NBEA: variants seen among roughly 807,000 people sequenced by gnomAD.
NBEA encodes the protein lysosomal-trafficking regulator 2.
NBEA carries 44 observed loss-of-function variants against 343.4 expected under a neutral mutation model. That is an observed-to-expected ratio of 0.13 (90% CI 0.10 to 0.16). The LOEUF is 0.16. NBEA is among the 10% of genes least tolerant of loss of function. The probability of loss-of-function intolerance (pLI) is 1.00; values close to 1 mark genes in which losing one functional copy is unlikely to be tolerated. For missense variants in NBEA, 2,555 were observed against 3,631.3 expected, an observed-to-expected ratio of 0.70 and a Z score of 7.62; for synonymous variants, 1,175 against 1,238.7, an observed-to-expected ratio of 0.95 and a Z score of 1.08.
At chr13:35,436,592 C>A (rs1036273588) in intron 39 of NBEA, among the ~76,000 whole-genome samples, 9 of 152,004 alleles carry the variant, frequency 5.9e-5, no homozygotes, top group African/African-American at 1.9e-4. Flanking sequence ...CACCTGTAGT[C>A]CCAGCTACTC....
intron 35 of NBEA, among the ~76,000 whole-genome samples, chr13:35,302,575 A>G (rs558428897): frequency 3.9e-5 from 6 of 152,322 alleles, no homozygotes; most frequent in South Asian, 2.1e-4. Context: ...CAGCCATATC[A>G]TATTAATGGA....
intron 34 of NBEA, among the ~76,000 whole-genome samples, chr13:35,261,897 C>T (rs2033248205): frequency 6.6e-6 from 1 of 152,100 alleles, no homozygotes; most frequent in Admixed American, 6.5e-5. Context: ...GCAGGATTAA[C>T]ACAAATAAAA....
intron 34 of NBEA, among the ~76,000 whole-genome samples, chr13:35,284,371 TG>T (rs1246748834): frequency 5.3e-5 from 8 of 152,188 alleles, no homozygotes; most frequent in African/African-American, 1.9e-4. Context: ...GGGTTTTTTT[TG>T]TTAAAATTTA....
At chr13:35,649,280 C>G (rs1023637656) in intron 51 of NBEA, among the ~76,000 whole-genome samples, 1 of 152,204 alleles carries the variant, frequency 6.6e-6, no homozygotes, top group Admixed American at 6.5e-5. Context: ...ATGGGAGTCA[C>G]TAATTTGACT....
At chr13:35,631,890 GA>G (rs1359977739) in intron 49 of NBEA, among the ~76,000 whole-genome samples, 2 of 152,106 alleles carry the variant, frequency 1.3e-5, no homozygotes, top group Non-Finnish European at 2.9e-5. Context: ...AACTCTGGCT[GA>G]GAAAATTATG....
At chr13:35,170,327 A>C (rs1050472466) in intron 25 of NBEA, among the ~76,000 whole-genome samples, 2 of 151,796 alleles carry the variant, frequency 1.3e-5, no homozygotes, top group South Asian at 4.1e-4. Context: ...TTAAGAGTTA[A>C]TATTGATTGG....
chr13:35,176,239 A>G (rs2070889927), intron 27 of NBEA, among the ~76,000 whole-genome samples: 1 of 152,120 alleles, frequency 6.6e-6, no homozygotes, highest in African/African-American at 2.4e-5. Context: ...ATTGACATTC[A>G]TTGAGAAATA....
At chr13:35,043,752 T>C (rs1485277045) in intron 2 of NBEA, among the ~76,000 whole-genome samples, 2 of 151,960 alleles carry the variant, frequency 1.3e-5, no homozygotes, top group African/African-American at 2.4e-5. Context: ...GTTTCCATTT[T>C]GAAATATACA....
chr13:35,407,151 GAC>G (rs1469226927), intron 38 of NBEA, among the ~76,000 whole-genome samples: 1 of 150,502 alleles, frequency 6.6e-6, no homozygotes, highest in Non-Finnish European at 1.5e-5. Flanking sequence ...TTTCAGTAGA[GAC>G]AGGGTTTCAC....
intron 39 of NBEA, among the ~76,000 whole-genome samples, chr13:35,434,217 C>G (rs1340894005): frequency 6.6e-6 from 1 of 151,932 alleles, no homozygotes; most frequent in East Asian, 1.9e-4. Context: ...TGAATAAAAT[C>G]TTTTTCAAAC....
At chr13:35,486,174 A>G (rs1258916161) in intron 41 of NBEA, among the ~76,000 whole-genome samples, 1 of 152,076 alleles carries the variant, frequency 6.6e-6, no homozygotes, top group African/African-American at 2.4e-5. Context: ...TTATTCCAAA[A>G]TGATTTAGAG....
At chr13:35,557,754 G>A (rs531978778) in intron 44 of NBEA, among the ~76,000 whole-genome samples, 86 of 152,248 alleles carry the variant, frequency 5.6e-4, no homozygotes, top group Non-Finnish European at 1.2e-3. Flanking sequence ...TTTTAAGATG[G>A]CTGATAGTAA....
At chr13:35,352,075 A>G (rs2040227077) in intron 37 of NBEA, 82 bp from the exon 38 acceptor site, 3 of 825,140 alleles carry the variant, frequency 3.6e-6, no homozygotes, top group Admixed American at 4.2e-5. Context: ...AATTCCTGTT[A>G]CCGTTTAACT....
intron 41 of NBEA, among the ~76,000 whole-genome samples, chr13:35,502,468 T>C (rs2076923468): frequency 2.0e-5 from 3 of 151,942 alleles, no homozygotes; most frequent in Non-Finnish European, 2.9e-5. Context: ...CTTCTAAAAC[T>C]ATTCCTTTTT....
In NBEA at chr13:35,355,798, G is replaced by A. The variant is rs998587025; in HGVS notation, c.6179+3475G>A. Among the ~76,000 whole-genome samples, 15 of 150,772 alleles carry A rather than the reference G, an allele frequency of 9.9e-5. No individual in the cohort carries two copies. In the South Asian group the frequency reaches 2.9e-3, roughly 30 times the overall value. On this transcript the variant is annotated intron_variant, in intron 38 of 58. Coordinates refer to ENST00000379939, the MANE Select transcript of NBEA (RefSeq NM_001385012.1). Reference sequence around the variant, plus strand: ...GGTCAAACTTTTTCATTTTCTTCAGGCCTTAATTCCAAATGATACCATCTC... The same window carrying A: ...GGTCAAACTTTTTCATTTTCTTCAGACCTTAATTCCAAATGATACCATCTC...
At chr13:35,020,572 G>A (rs983493947) in intron 1 of NBEA, among the ~76,000 whole-genome samples, 2 of 152,152 alleles carry the variant, frequency 1.3e-5, no homozygotes, top group Admixed American at 1.3e-4. Flanking sequence ...AAGCTGGAGG[G>A]CGGTGGCACG....
At chr13:35,136,420 T>C (rs2067731755) in intron 17 of NBEA, among the ~76,000 whole-genome samples, 1 of 152,232 alleles carries the variant, frequency 6.6e-6, no homozygotes, top group Non-Finnish European at 1.5e-5. Flanking sequence ...CTTATCACAC[T>C]GAGGGATCAA....
At chr13:35,653,181 C>T (rs189874824) in intron 53 of NBEA, among the ~76,000 whole-genome samples, 1 of 152,010 alleles carries the variant, frequency 6.6e-6, no homozygotes, top group Non-Finnish European at 1.5e-5. Context: ...GAGGCCCTTC[C>T]GGTTTCATAT....
chr13:35,250,894 A>AAAGTG (rs1323717848), intron 34 of NBEA, among the ~76,000 whole-genome samples: 2 of 152,252 alleles, frequency 1.3e-5, no homozygotes, highest in Non-Finnish European at 2.9e-5. Flanking sequence ...TTAGGGACAC[A>AAAGTG]TTCATAAGTG....
Sources: allele counts gnomAD v4.1 joint callset (sites outside exome capture counted in the v4.1 genomes callset), GRCh38; gene constraint gnomAD v4.1.1; transcripts MANE v1.5; gene names NCBI Gene and HGNC (gene_info 2026-07-23, HGNC 2026-07-21).